The following STARD8 variants were observed in gnomAD, a reference collection of about 807,000 sequenced individuals.
The protein encoded by STARD8 is stAR-related lipid transfer protein 8.
In STARD8, 25 loss-of-function variants were observed where a neutral mutation model predicts 69.4. That is an observed-to-expected ratio of 0.36 (90% CI 0.26 to 0.50). STARD8 has a LOEUF of 0.50. Among genes scored for constraint, STARD8 ranks in the 20% least tolerant of loss-of-function variants. STARD8 has a pLI of 0.96. For missense variants in STARD8, 921 were observed against 932.5 expected (o/e 0.99, Z 0.16); for synonymous variants, 389 against 374.6 (o/e 1.04, Z -0.45).
intron 2 of STARD8, among the ~76,000 whole-genome samples, chrX:68,694,770 G>A (rs1276005718): frequency 3.6e-5 from 4 of 111,417 alleles, no homozygotes; most frequent in Non-Finnish European, 7.5e-5. Context: ...CTATGCACAC[G>A]GAGAGCTTTG....
At chrX:68,661,970 C>CTCTCTCTT (rs1556020285) in intron 1 of STARD8, among the ~76,000 whole-genome samples, 8 of 56,003 alleles carry the variant, frequency 1.4e-4, no homozygotes, top group South Asian at 1.4e-3. Context: ...CTCTCTCTCT[C>CTCTCTCTT]TCTTTCTTTC....
chrX:68,718,361 G>A lies in STARD8; in HGVS notation c.1447G>A (p.Glu483Lys). The change falls in exon 6 of 15, where the codon GAG becomes AAG. Residue 483 changes from glutamate to lysine, a missense_variant. Physicochemically the swap from Glu to Lys is moderately conservative, Grantham distance 56. Transcript: ENST00000374599. ...TGAACCAGTGGCACAGGAAGAGGCT[G>A]AGGCCCCGGCCCCAGCCCCGGCCCC... ...EAEPVAQEEAEAPAPAPAPAP... is the reference protein window; with the variant it reads ...EAEPVAQEEAKAPAPAPAPAP... 4 of 1,206,996 alleles carry A rather than the reference G, an allele frequency of 3.3e-6. No individual in the cohort carries two copies. The highest frequency in any genetic ancestry group is 3.5e-5 in the South Asian group (2 of 56,382).
At position 68,724,586 on chromosome X, in the gene STARD8, A is replaced by T. The variant is rs2080183737; in HGVS notation, c.*164A>T. ...GTCCCCTTTCCTAAAGCTCCTCTGC[A>T]CATAGAGGGGAGAAAAAGAGAATTT... is the stretch of plus-strand genomic sequence containing the variant. On this transcript the variant is annotated 3_prime_UTR_variant, in exon 15 of 15. Coordinates refer to ENST00000374599, the MANE Select transcript of STARD8 (RefSeq NM_001142503.3). 9 of 424,477 alleles carry T rather than the reference A, an allele frequency of 2.1e-5. No individual in the cohort carries two copies. The highest frequency in any genetic ancestry group is 3.7e-5 in the Non-Finnish European group (9 of 246,317). The allele number at this position is 424,477 out of a possible 1,213,427, so 35.0% of individuals were successfully genotyped here.
chrX:68,669,968 A>T (rs1394773181), intron 2 of STARD8, among the ~76,000 whole-genome samples: 1 of 112,454 alleles, frequency 8.9e-6, no homozygotes. Context: ...GTCTTGACAG[A>T]TCTGGTCATT....
intron 2 of STARD8, among the ~76,000 whole-genome samples, chrX:68,707,758 C>T (rs192525422): frequency 1.8e-5 from 2 of 111,468 alleles, no homozygotes; most frequent in East Asian, 5.7e-4. Context: ...GCCTGGTCCC[C>T]ATGCCTGATA....
intron 2 of STARD8, among the ~76,000 whole-genome samples, chrX:68,690,431 C>CGGGG (rs756097076): frequency 5.0e-5 from 5 of 99,537 alleles, no homozygotes; most frequent in African/African-American, 2.2e-4. Flanking sequence ...CCCAGGCAGG[C>CGGGG]AGGGCGGGGG....
chrX:68,677,115 C>T (rs761075752), intron 2 of STARD8, among the ~76,000 whole-genome samples: 159 of 110,857 alleles, frequency 1.4e-3, no homozygotes, highest in African/African-American at 5.0e-3. Flanking sequence ...CACTGCACTC[C>T]AGCCTGGGTG....
chrX:68,686,874 C>T (rs950447136), intron 2 of STARD8, among the ~76,000 whole-genome samples: 4 of 111,246 alleles, frequency 3.6e-5, no homozygotes, highest in Non-Finnish European at 7.5e-5. Context: ...CTACATCCTC[C>T]GCTCAAAAAG....
intron 10 of STARD8, 103 bp downstream of exon 10, chrX:68,721,849 A>G (rs2080152359): frequency 5.5e-6 from 5 of 914,993 alleles, no homozygotes; most frequent in East Asian, 6.6e-5. Flanking sequence ...TCTCAGCCTC[A>G]CCACAAGGAG....
chrX:68,703,454 C>T (rs1007135605), intron 2 of STARD8, among the ~76,000 whole-genome samples: 1 of 112,716 alleles, frequency 8.9e-6, no homozygotes, highest in Non-Finnish European at 1.9e-5. Context: ...CCCTTGCCCC[C>T]AGAGCCCTAG....
rs370406141 is a variant in STARD8, at chrX:68,700,169, C to T, written c.80-12745C>T. ...TGAATCAGACAGTGAGAAATACCAA[C>T]GTAGCCATTCCTTCCCCTGGCAGTT... On this transcript the variant is annotated intron_variant, in intron 2 of 14. Transcript: ENST00000374599. 4.5e-5 allele frequency among the ~76,000 whole-genome samples: 5 copies of T among 112,150 alleles called. No individual in the cohort carries two copies. In the South Asian group the frequency reaches 1.5e-3, roughly 33 times the overall value.
chrX:68,724,149 C>T (rs2080178701), intron 14 of STARD8, 28 bp downstream of exon 14: 2 of 1,196,827 alleles, frequency 1.7e-6, no homozygotes, highest in African/African-American at 1.8e-5. Context: ...GCCTGCTCGA[C>T]CCCCTTGGCC....
chrX:68,662,746 G>C (rs1382649661), intron 1 of STARD8, among the ~76,000 whole-genome samples: 1 of 111,697 alleles, frequency 9.0e-6, no homozygotes, highest in East Asian at 2.8e-4. Context: ...TCCTTCATGA[G>C]GGTCCTTATG....
At chrX:68,651,817 G>A (rs1049219807) in intron 1 of STARD8, among the ~76,000 whole-genome samples, 7 of 108,677 alleles carry the variant, frequency 6.4e-5, no homozygotes, top group African/African-American at 1.7e-4. Context: ...ATCAGTGCCC[G>A]CCTCACAGAA....
chrX:68,695,095 C>T (rs1193751621), intron 2 of STARD8, among the ~76,000 whole-genome samples: 1 of 107,580 alleles, frequency 9.3e-6, no homozygotes, highest in Non-Finnish European at 1.9e-5. Context: ...CCCCGCCCCC[C>T]ACACCTGTAT....
At chrX:68,665,721 C>CCTCTTTTT (rs2079679383) in intron 2 of STARD8, among the ~76,000 whole-genome samples, 189 bp downstream of exon 2, 1 of 112,225 alleles carries the variant, frequency 8.9e-6, no homozygotes, top group Non-Finnish European at 1.9e-5. Flanking sequence ...TTTTGGCTCA[C>CCTCTTTTT]GTGCAGAGCC....
chrX:68,653,007 AC>A (rs2079567506), intron 1 of STARD8, among the ~76,000 whole-genome samples: 3 of 13,316 alleles, frequency 2.3e-4, no homozygotes, highest in Non-Finnish European at 4.5e-4. Flanking sequence ...CCACACACAC[AC>A]CACCACACAC....
In STARD8 at chrX:68,719,238, C is replaced by A; in HGVS notation, c.1729C>A (p.His577Asn). The part of the protein sequence containing the change: ...LTRPCRKLRW[H>N]SFQNSHRPSL... ...GCCCCCCACCAGGAAGCTCCGTTGGCATAGCTTCCAGAACTCCCATCGTCC... is the reference window on the plus strand; with the variant it reads ...GCCCCCCACCAGGAAGCTCCGTTGGAATAGCTTCCAGAACTCCCATCGTCC... The change falls in exon 7 of 15, where the codon CAT becomes AAT. Residue 577 changes from histidine to asparagine, a missense_variant. Transcript: ENST00000374599. 1 of 1,188,206 alleles carries A rather than the reference C, an allele frequency of 8.4e-7. No individual in the cohort carries two copies. Among genetic ancestry groups the A allele is most frequent in the Non-Finnish European group, 1.1e-6 (1 of 883,532 alleles).
At chrX:68,719,988 T>G (rs1460823790) in intron 7 of STARD8, among the ~76,000 whole-genome samples, 1 of 112,272 alleles carries the variant, frequency 8.9e-6, no homozygotes, top group Non-Finnish European at 1.9e-5. Flanking sequence ...ACAGTTCCCC[T>G]CCCTCAATGG....
Sources: gnomAD v4.1 joint callset for allele counts (sites outside exome capture counted in the v4.1 genomes callset) on GRCh38, gnomAD v4.1.1 for gene constraint, MANE v1.5 for transcripts, NCBI Gene and HGNC (gene_info 2026-07-23, HGNC 2026-07-21) for gene names.